RDX: variants seen among roughly 807,000 people sequenced by gnomAD.
The protein encoded by RDX is radixin.
In RDX, 32 loss-of-function variants were observed where a neutral mutation model predicts 83.7. That is an observed-to-expected ratio of 0.38 (90% CI 0.29 to 0.51). The LOEUF (loss-of-function observed/expected upper bound fraction) is 0.51, where lower values mean the gene tolerates loss of function less well. Among genes scored for constraint, RDX ranks in the 20% least tolerant of loss-of-function variants. The pLI, the probability that RDX is intolerant of heterozygous loss-of-function variation, is 0.87. For synonymous variants in RDX, 229 were observed against 222.7 expected (o/e 1.03, Z -0.25); for missense variants, 600 against 689.9 (o/e 0.87, Z 1.46).
At chr11:110,214,133 C>G (rs917237885) in intron 14 of RDX, among the ~76,000 whole-genome samples, 7 of 149,378 alleles carry the variant, frequency 4.7e-5, no homozygotes, top group African/African-American at 1.7e-4. Flanking sequence ...TGAACTCAAA[C>G]AAATTTACAA....
At chr11:110,266,099 C>T (rs999297347) in intron 3 of RDX, among the ~76,000 whole-genome samples, 14 of 151,008 alleles carry the variant, frequency 9.3e-5, no homozygotes, top group African/African-American at 2.0e-4. Context: ...CCGAGGCGGG[C>T]GGATCACAAA....
rs529351423 is a variant in RDX, at chr11:110,229,771, T to G, written c.*2098A>C. ...AAACAGCAAAATATAACTGATAATT[T>G]TTCAATACTGTATCAAACTGATGTA... On this transcript the variant is annotated 3_prime_UTR_variant, in exon 14 of 14. Transcript: ENST00000645495. 1.4e-4 allele frequency: 22 copies of G among 152,598 alleles called. No homozygotes were observed. Among genetic ancestry groups the G allele is most frequent in the African/African-American group, 5.1e-4 (21 of 41,560 alleles). 9.5% of individuals were successfully genotyped at this position (152,598 alleles called of 1,614,324 possible). A position where few individuals can be genotyped will look rare whatever the true frequency, so the allele number is the denominator to read the frequency against.
intron 1 of RDX, among the ~76,000 whole-genome samples, chr11:110,289,136 G>A (rs1335333148): frequency 6.6e-6 from 1 of 151,366 alleles, no homozygotes; most frequent in Non-Finnish European, 1.5e-5. Flanking sequence ...TACTTGAGAA[G>A]CTGAGGCAGG....
downstream of RDX, among the ~76,000 whole-genome samples, chr11:110,228,423 C>G (rs1173735464): frequency 6.6e-6 from 1 of 152,036 alleles, no homozygotes; most frequent in Non-Finnish European, 1.5e-5. Flanking sequence ...TCATTTAGAA[C>G]AGACTTAAGA....
chr11:110,237,341 G>T, intron 11 of RDX, 151 bp downstream of exon 11: 1 of 686,132 alleles, frequency 1.5e-6, no homozygotes. Flanking sequence ...AAATTTTCTA[G>T]GTTTTTGTCT....
Position 110,264,840 on chromosome 11 carries a change from A to C in RDX, c.131T>G (p.Phe44Cys), listed in dbSNP as rs1859958324. The change falls in exon 4 of 14, where the codon TTT becomes TGT. Residue 44 changes from phenylalanine to cysteine, a missense_variant. Physicochemically the swap from Phe to Cys is radical, Grantham distance 205. Transcript: ENST00000645495. ...GCTGTCTACATACTGCAGCCCAAAA[A>C]ACCAGACCTCACGCAAACCAACTGT... ...VKTVGLREVW[F>C]FGLQYVDSKG... 6.2e-7 allele frequency: 1 copy of C among 1,613,978 alleles called. No homozygotes were observed. The highest frequency in any genetic ancestry group is 8.5e-7 in the Non-Finnish European group (1 of 1,179,974).
rs989078206 is a variant in RDX at position 110,229,476 on chromosome 11, C to T, written c.*2393G>A. 2.6e-5 allele frequency: 4 copies of T among 152,340 alleles called. No individual in the cohort carries two copies. The highest frequency in any genetic ancestry group is 7.2e-5 in the African/African-American group (3 of 41,398). The allele number at this position is 152,340 out of a possible 1,614,324, so 9.4% of individuals were successfully genotyped here. A position where few individuals can be genotyped will look rare whatever the true frequency, so the allele number is the denominator to read the frequency against. On this transcript the variant is annotated 3_prime_UTR_variant, in exon 14 of 14. Coordinates refer to ENST00000645495, the MANE Select transcript of RDX (RefSeq NM_002906.4). ...GAGCTTTTGTCACTTTATTGTTAAC[C>T]AATGAATATTATCCAAAATTAGAGA...
At chr11:110,280,891 A>G (rs997785801) in intron 1 of RDX, among the ~76,000 whole-genome samples, 2 of 152,114 alleles carry the variant, frequency 1.3e-5, no homozygotes, top group African/African-American at 4.8e-5. Context: ...AAGGCTGGGC[A>G]TGGTGGCTCA....
downstream of RDX, among the ~76,000 whole-genome samples, chr11:110,226,586 A>C (rs1003096854): frequency 6.6e-6 from 1 of 152,218 alleles, no homozygotes; most frequent in Non-Finnish European, 1.5e-5. Context: ...AATGTACTTA[A>C]TGGCACTGAA....
chr11:110,273,039 G>C, intron 2 of RDX: 2 of 456,332 alleles, frequency 4.4e-6, no homozygotes, highest in Non-Finnish European at 4.4e-6. Context: ...CCAGCCTGGG[G>C]AACACAGCAA....
At chr11:110,251,952 C>A (rs929373461) in intron 9 of RDX, among the ~76,000 whole-genome samples, 2 of 152,158 alleles carry the variant, frequency 1.3e-5, no homozygotes, top group African/African-American at 2.4e-5. Flanking sequence ...AGGCAGCATA[C>A]CTCTGGGCAT....
At chr11:110,181,705 G>A (rs146268454) in intron 15 of RDX, 1,611 of 152,598 alleles carry the variant, frequency 0.011, 12 homozygotes, top group Non-Finnish European at 0.018. Flanking sequence ...AGGCTGTACA[G>A]TCCGGAGCAT....
chr11:110,284,806 AGCCACCACGCCCG>A (rs1326149095), intron 1 of RDX, among the ~76,000 whole-genome samples: 1 of 152,044 alleles, frequency 6.6e-6, no homozygotes, highest in Non-Finnish European at 1.5e-5. Context: ...TACAGGCGTG[AGCCACCACGCCCG>A]GCCAACACAG....
chr11:110,214,853 A>C (rs9666224), intron 14 of RDX, among the ~76,000 whole-genome samples: 1 of 83,624 alleles, frequency 1.2e-5, no homozygotes. Context: ...GGGTGGGGGG[A>C]GGGGGCAGGG....
chr11:110,231,899 C>T lies in RDX; in HGVS notation c.1722G>A (p.Lys574=), dbSNP rs1864652104. The change falls in exon 14 of 14, where the codon AAG becomes AAA. Residue 574 remains lysine (K), a synonymous_variant. Coordinates refer to ENST00000645495, the MANE Select transcript of RDX (RefSeq NM_002906.4). ...TTGCTTCAAACTCATCGATACGCTG[C>T]TTTGTATTGCCTTGTCGAATCTGTC... is the stretch of plus-strand genomic sequence containing the variant. ...TLRQIRQGNT[K]QRIDEFEAM The T allele has an allele frequency of 6.2e-7, 1 of 1,613,148 alleles. No individual in the cohort carries two copies. Among genetic ancestry groups the T allele is most frequent in the African/African-American group, 1.3e-5 (1 of 75,006 alleles).
At chr11:110,255,594 G>A (rs1226514169) in intron 7 of RDX, among the ~76,000 whole-genome samples, 1 of 152,100 alleles carries the variant, frequency 6.6e-6, no homozygotes, top group Non-Finnish European at 1.5e-5. Context: ...TTTCATAAAT[G>A]TGTCATGAAC....
At chr11:110,266,311 C>T (rs7125243) in intron 3 of RDX, among the ~76,000 whole-genome samples, 4,555 of 150,564 alleles carry the variant, frequency 0.03, 97 homozygotes, top group Non-Finnish European at 0.038. Context: ...CCAGCCTGGG[C>T]GACAGAGCAA....
At chr11:110,281,103 T>A (rs1326961207) in intron 1 of RDX, among the ~76,000 whole-genome samples, 1 of 151,942 alleles carries the variant, frequency 6.6e-6, no homozygotes, top group African/African-American at 2.4e-5. Context: ...AAGCAGAGGT[T>A]GCAGTGAGCC....
At chr11:110,270,237 T>C (rs1194556259) in intron 3 of RDX, among the ~76,000 whole-genome samples, 2 of 152,096 alleles carry the variant, frequency 1.3e-5, no homozygotes, top group Middle Eastern at 3.4e-3. Context: ...CAAACCTAAA[T>C]GGTATAGCCT....
Sources: gnomAD v4.1 joint callset for allele counts (sites outside exome capture counted in the v4.1 genomes callset) on GRCh38, gnomAD v4.1.1 for gene constraint, MANE v1.5 for transcripts, NCBI Gene and HGNC (gene_info 2026-07-23, HGNC 2026-07-21) for gene names.